KBTBD3: variants seen among roughly 807,000 people sequenced by gnomAD.
KBTBD3 encodes the protein kelch repeat and BTB domain-containing protein 3.
KBTBD3 carries 38 observed loss-of-function variants against 49.6 expected under a neutral mutation model. The ratio of observed to expected loss-of-function variants is 0.77; its 90% confidence interval spans 0.59 to 1.00. The LOEUF (loss-of-function observed/expected upper bound fraction) is 1.00, where lower values mean the gene tolerates loss of function less well. KBTBD3 is among the 50% of genes least tolerant of loss of function. KBTBD3 has a pLI of 0.00. For synonymous variants in KBTBD3, 214 were observed against 250.4 expected (o/e 0.85, Z 1.37); for missense variants, 661 against 712.0 (o/e 0.93, Z 0.81).
At chr11:106,058,768 C>G in intron 3 of KBTBD3, 97 bp downstream of exon 3, 1 of 699,164 alleles carries the variant, frequency 1.4e-6, no homozygotes, top group Non-Finnish European at 2.4e-6. Context: ...TTAAAAATTA[C>G]TGTTGCATGT....
At chr11:106,070,480 A>T (rs1176334649) in intron 2 of KBTBD3, among the ~76,000 whole-genome samples, 2 of 152,152 alleles carry the variant, frequency 1.3e-5, no homozygotes, top group African/African-American at 4.8e-5. Flanking sequence ...GATGGCAAAT[A>T]AGCACATGAA....
chr11:106,064,267 C>G (rs1004783118), intron 2 of KBTBD3, among the ~76,000 whole-genome samples: 4 of 151,978 alleles, frequency 2.6e-5, no homozygotes, highest in African/African-American at 9.7e-5. Context: ...AGCCAGGGAC[C>G]GGGAGTGGTG....
intron 2 of KBTBD3, among the ~76,000 whole-genome samples, chr11:106,064,600 G>T (rs887955753): frequency 6.6e-6 from 1 of 151,392 alleles, no homozygotes; most frequent in Non-Finnish European, 1.5e-5. Flanking sequence ...CTATGCAAAA[G>T]GGCACGCAAA....
intron 1 of KBTBD3, among the ~76,000 whole-genome samples, chr11:106,077,044 C>T (rs760657290): frequency 6.6e-6 from 1 of 152,122 alleles, no homozygotes; most frequent in Non-Finnish European, 1.5e-5. Context: ...TAGGCTGCTG[C>T]TAAGGGTCGG....
Position 106,054,252 on chromosome 11 carries a change from A to T in KBTBD3, c.437T>A (p.Ile146Lys). 1 of 1,611,912 alleles carries T rather than the reference A, an allele frequency of 6.2e-7. No homozygotes were observed. The highest frequency in any genetic ancestry group is 8.5e-7 in the Non-Finnish European group (1 of 1,178,982). Residue 146 changes from isoleucine (I) to lysine (K), a missense_variant, in exon 4 of 4, where the codon ATA becomes AAA. Ile to Lys is a moderately radical substitution (Grantham distance 102, BLOSUM62 -3). Coordinates refer to ENST00000531837, the MANE Select transcript of KBTBD3 (RefSeq NM_198439.3). The stretch of plus-strand genomic sequence containing the variant: ...ACAATTGACAAGATTAATACTTTTT[A>T]TTAAAAAGTCACTGCAAGCTTTGGA... Reference protein sequence around the residue: ...FLSKACSDFLIKSINLVNCLQ... With the variant: ...FLSKACSDFLKKSINLVNCLQ...
At chr11:106,068,141 C>T (rs1442255424) in intron 2 of KBTBD3, among the ~76,000 whole-genome samples, 2 of 151,370 alleles carry the variant, frequency 1.3e-5, no homozygotes, top group Non-Finnish European at 2.9e-5. Context: ...TAGACAAATC[C>T]ACTATTATAG....
intron 3 of KBTBD3, among the ~76,000 whole-genome samples, chr11:106,055,774 G>T (rs1489547021): frequency 2.6e-5 from 4 of 152,058 alleles, no homozygotes; most frequent in African/African-American, 9.7e-5. Context: ...GTGCTGAGAA[G>T]AATAAATGGG....
At chr11:106,070,246 G>C (rs1860891667) in intron 2 of KBTBD3, among the ~76,000 whole-genome samples, 1 of 151,916 alleles carries the variant, frequency 6.6e-6, no homozygotes, top group South Asian at 2.1e-4. Flanking sequence ...AAAATTAATA[G>C]ATTGGATTTT....
At position 106,053,122 on chromosome 11, in the gene KBTBD3, T is replaced by C. The variant is rs761598043; in HGVS notation, c.1567A>G (p.Ser523Gly). ...ICDLSTYKVYSFCPDTCVWKG... is the reference protein window; with the variant it reads ...ICDLSTYKVYGFCPDTCVWKG... Reference sequence around the variant, plus strand: ...CAAACACAAGTGTCTGGACAAAAACTATAAACCTTATAGGTGGAAAGGTCA... The same window carrying C: ...CAAACACAAGTGTCTGGACAAAAACCATAAACCTTATAGGTGGAAAGGTCA... Residue 523 changes from serine (S) to glycine (G), a missense_variant, in exon 4 of 4, where the codon AGT becomes GGT. Ser to Gly is a moderately conservative substitution (Grantham distance 56). Transcript: ENST00000531837. The C allele has an allele frequency of 4.3e-6, 7 of 1,613,638 alleles. No individual in the cohort carries two copies. In the South Asian group the frequency reaches 7.7e-5, roughly 18 times the overall value.
chr11:106,069,561 C>T (rs1475845668), intron 2 of KBTBD3, among the ~76,000 whole-genome samples: 2 of 150,312 alleles, frequency 1.3e-5, no homozygotes, highest in Non-Finnish European at 3.0e-5. Context: ...ACAAAACATG[C>T]ACAGGACTTG....
Position 106,054,442 on chromosome 11 carries a change from C to T in KBTBD3, c.247G>A (p.Val83Ile), listed in dbSNP as rs201526261. 8.4e-6 allele frequency: 13 copies of T among 1,551,142 alleles called. No individual in the cohort carries two copies. Among genetic ancestry groups the T allele is most frequent in the Non-Finnish European group, 1.1e-5 (13 of 1,147,438 alleles). The part of the protein sequence containing the change: ...CSDFFRAMFE[V>I]NMKERDDGSV... ...CCATCATCTCTTTCTTTCATGTTTA[C>T]TTCAAACATAGCCCTGCAAAAATAA... Residue 83 changes from valine to isoleucine, a missense_variant, in exon 4 of 4, where the codon GTA becomes ATA. By Grantham distance (29) the Val-to-Ile change is conservative (BLOSUM62 3). Coordinates refer to ENST00000531837, the MANE Select transcript of KBTBD3 (RefSeq NM_198439.3).
rs1047773738 is a variant in KBTBD3 at position 106,054,502 on chromosome 11, A to G, written c.234-47T>C. ...AAAAACAGCAAGAATATTTTATTCC[A>G]TAATTATTTTCAATATTACCTTAAA... is the stretch of plus-strand genomic sequence containing the variant. On this transcript the variant is annotated intron_variant, in intron 3 of 3. Coordinates refer to ENST00000531837, the MANE Select transcript of KBTBD3 (RefSeq NM_198439.3). 5.7e-6 allele frequency: 8 copies of G among 1,393,256 alleles called. No individual in the cohort carries two copies. In the African/African-American group the frequency reaches 1.0e-4, roughly 18 times the overall value. The allele number at this position is 1,393,256 out of a possible 1,614,324, so 86.3% of individuals were successfully genotyped here.
intron 3 of KBTBD3, among the ~76,000 whole-genome samples, chr11:106,055,615 G>A (rs1240139807): frequency 6.6e-6 from 1 of 152,128 alleles, no homozygotes; most frequent in African/African-American, 2.4e-5. Flanking sequence ...ATGTAGCCCA[G>A]CTGGCTATAT....
chr11:106,060,233 C>A (rs1565403021), intron 2 of KBTBD3, among the ~76,000 whole-genome samples: 5 of 151,290 alleles, frequency 3.3e-5, no homozygotes. Context: ...TTCGATATAT[C>A]TATTTAATAC....
At chr11:106,074,864 T>C (rs1303340024) in intron 2 of KBTBD3, among the ~76,000 whole-genome samples, 1 of 152,206 alleles carries the variant, frequency 6.6e-6, no homozygotes, top group Non-Finnish European at 1.5e-5. Flanking sequence ...CATCATGGTT[T>C]CTTCCTTGAG....
chr11:106,071,863 G>C (rs1591539345), intron 2 of KBTBD3, among the ~76,000 whole-genome samples: 1 of 152,086 alleles, frequency 6.6e-6, no homozygotes, highest in Non-Finnish European at 1.5e-5. Flanking sequence ...TGAATATTAA[G>C]TTAATATCGT....
rs1271181619 is a variant in KBTBD3 at position 106,052,978 on chromosome 11, C to G, written c.1711G>C (p.Val571Leu). The change falls in exon 4 of 4, where the codon GTC (valine) becomes CTC (leucine). Residue 571 changes from valine to leucine, a missense_variant. Coordinates refer to ENST00000531837, the MANE Select transcript of KBTBD3 (RefSeq NM_198439.3). Reference sequence around the variant, plus strand: ...CATTCAGACCTGTTGCTGTGGTAGACCTGCACTTCATCTGTGATTTCATCT... The same window carrying G: ...CATTCAGACCTGTTGCTGTGGTAGAGCTGCACTTCATCTGTGATTTCATCT... ...APDEITDEVQ[V>L]YHSNRSEWEE... 1 of 1,613,786 alleles carries G rather than the reference C, an allele frequency of 6.2e-7. No homozygotes were observed. The highest frequency in any genetic ancestry group is 8.5e-7 in the Non-Finnish European group (1 of 1,179,778).
chr11:106,068,295 T>C (rs145262951), intron 2 of KBTBD3, among the ~76,000 whole-genome samples: 383 of 152,282 alleles, frequency 2.5e-3, no homozygotes, highest in African/African-American at 8.8e-3. Context: ...AGACTACATA[T>C]TCTTTCACCA....
At chr11:106,055,338 T>C (rs189781537) in intron 3 of KBTBD3, among the ~76,000 whole-genome samples, 59 of 152,304 alleles carry the variant, frequency 3.9e-4, no homozygotes, top group Admixed American at 1.6e-3. Flanking sequence ...GTGCCAGTAT[T>C]GTCCAGGATG....
Sources: gnomAD v4.1 joint callset for allele counts (sites outside exome capture counted in the v4.1 genomes callset) on GRCh38, gnomAD v4.1.1 for gene constraint, MANE v1.5 for transcripts, NCBI Gene and HGNC (gene_info 2026-07-23, HGNC 2026-07-21) for gene names.